Variants in LRBA observed in about 807,000 individuals in gnomAD.
LRBA encodes the protein LPS responsive beige-like anchor protein.
A neutral mutation model predicts 330.0 loss-of-function variants in LRBA; 176 were observed. That is an observed-to-expected ratio of 0.53 (90% confidence interval 0.47 to 0.60). The LOEUF is 0.60. LRBA is among the 20% of genes least tolerant of loss of function. The pLI is 0.00. For missense variants in LRBA, 3,259 were observed against 3,444.8 expected, an observed-to-expected ratio of 0.95 and a Z score of 1.35; for synonymous variants, 1,230 against 1,193.0, an observed-to-expected ratio of 1.03 and a Z score of -0.64.
At chr4:150,762,338 T>C (rs1402059405) in intron 34 of LRBA, among the ~76,000 whole-genome samples, 6 of 151,758 alleles carry the variant, frequency 4.0e-5, no homozygotes, top group Non-Finnish European at 8.9e-5. Flanking sequence ...GCTAAACCAG[T>C]TTTGAGTTAG....
rs377425590 is a variant in LRBA, at chr4:150,560,018, T to C, written c.6330+28030A>G. On this transcript the variant is annotated intron_variant, in intron 40 of 56. Coordinates refer to ENST00000651943, the MANE Select transcript of LRBA (RefSeq NM_001364905.1). Reference sequence around the variant, plus strand: ...TTCGTCCATCGATGAAACTCAAGTATGGATGGCAGGTTAAAGTATTATCTC... The same window carrying C: ...TTCGTCCATCGATGAAACTCAAGTACGGATGGCAGGTTAAAGTATTATCTC... 1.3e-4 allele frequency among the ~76,000 whole-genome samples: 18 copies of C among 136,606 alleles called. No individual in the cohort carries two copies. In the East Asian group the frequency reaches 1.8e-3, roughly 14 times the overall value. The allele number at this position is 136,606 out of a possible 152,430, so 89.6% of individuals were successfully genotyped here.
intron 37 of LRBA, among the ~76,000 whole-genome samples, chr4:150,664,812 C>T (rs1376139952): frequency 6.6e-6 from 1 of 152,232 alleles, no homozygotes; most frequent in East Asian, 1.9e-4. Flanking sequence ...TAGATTACAA[C>T]CTTAAGAAGC....
At chr4:150,977,818 T>C (rs936793326) in intron 2 of LRBA, among the ~76,000 whole-genome samples, 2 of 152,176 alleles carry the variant, frequency 1.3e-5, no homozygotes, top group African/African-American at 2.4e-5. Context: ...CCTCTACCTA[T>C]GTAAACAGGA....
chr4:150,809,332 T>C (rs1188815040), intron 31 of LRBA, among the ~76,000 whole-genome samples: 1 of 152,158 alleles, frequency 6.6e-6, no homozygotes, highest in Non-Finnish European at 1.5e-5. Context: ...CTAAATACTA[T>C]ACTCCACTAA....
At chr4:150,531,447 T>C (rs534065191) in intron 40 of LRBA, among the ~76,000 whole-genome samples, 2 of 152,316 alleles carry the variant, frequency 1.3e-5, no homozygotes, top group Admixed American at 6.5e-5. Context: ...ATCTCTTTTA[T>C]TGAAGAGACA....
intron 48 of LRBA, among the ~76,000 whole-genome samples, chr4:150,341,844 C>T (rs985393234): frequency 1.3e-5 from 2 of 151,608 alleles, no homozygotes; most frequent in Non-Finnish European, 2.9e-5. Context: ...AGATAGCTTT[C>T]AACCTTTGTA....
At chr4:150,838,768 C>T (rs1486337571) in intron 28 of LRBA, among the ~76,000 whole-genome samples, 1 of 152,100 alleles carries the variant, frequency 6.6e-6, no homozygotes, top group Non-Finnish European at 1.5e-5. Flanking sequence ...GAAGTCTGAC[C>T]ATCTGAAGCT....
chr4:150,658,996 G>C (rs1222125808), intron 37 of LRBA, among the ~76,000 whole-genome samples: 1 of 102,114 alleles, frequency 9.8e-6, no homozygotes, highest in Non-Finnish European at 2.2e-5. Context: ...CGGGATTGCA[G>C]ACGGAGTCTC....
intron 34 of LRBA, among the ~76,000 whole-genome samples, chr4:150,784,621 A>T (rs1348508054): frequency 6.6e-6 from 1 of 152,204 alleles, no homozygotes; most frequent in Admixed American, 6.5e-5. Flanking sequence ...CAGCCTCTAC[A>T]TATACCTGAC....
intron 9 of LRBA, 130 bp downstream of exon 9, chr4:150,914,065 G>T: frequency 1.6e-6 from 1 of 639,226 alleles, no homozygotes; most frequent in South Asian, 3.1e-5. Flanking sequence ...TCACCCTGCT[G>T]TGGTATCAAA....
chr4:150,294,815 G>A (rs985596622), intron 53 of LRBA, among the ~76,000 whole-genome samples: 3 of 152,130 alleles, frequency 2.0e-5, no homozygotes, highest in Admixed American at 1.3e-4. Context: ...ATCTGGGCGC[G>A]CTGGCGCCCA....
At position 150,965,683 on chromosome 4, in the gene LRBA, G is replaced by A. The variant is rs559686158; in HGVS notation, c.217-36618C>T. Among the ~76,000 whole-genome samples the A allele has an allele frequency of 2.6e-5, 4 of 151,590 alleles. No homozygotes were observed. The South Asian group carries it at 8.4e-4, about 32-fold the overall frequency. ...GCCTCCTAAGTAGCTGGGACTATAG[G>A]CACATACGACCATGCCCGGCTAATT... On this transcript the variant is annotated intron_variant, in intron 2 of 56. Transcript: ENST00000651943.
chr4:150,494,999 C>CA lies in LRBA; in HGVS notation c.6331-3965dup, dbSNP rs1011632988. Among the ~76,000 whole-genome samples, 332 of 124,372 alleles carry CA rather than the reference C, an allele frequency of 2.7e-3. 2 individuals are homozygous for CA. Among genetic ancestry groups the CA allele is most frequent in the Middle Eastern group, 8.6e-3 (2 of 232 alleles). The allele number at this position is 124,372 out of a possible 152,430, so 81.6% of individuals were successfully genotyped here. ...TGGGTGACACAGCGAGACTCTGTCTCAAAAAAAAAAAAAGGAAATGAGGTA... is the reference window on the plus strand; with the variant it reads ...TGGGTGACACAGCGAGACTCTGTCTCAAAAAAAAAAAAAAGGAAATGAGGTA... On this transcript the variant is annotated intron_variant, in intron 40 of 56. Coordinates refer to ENST00000651943, the MANE Select transcript of LRBA (RefSeq NM_001364905.1).
intron 37 of LRBA, among the ~76,000 whole-genome samples, chr4:150,666,712 C>G (rs1781593547): frequency 6.6e-6 from 1 of 151,990 alleles, no homozygotes; most frequent in Non-Finnish European, 1.5e-5. Flanking sequence ...GCCCTGCAAC[C>G]AATTCTCTGT....
intron 2 of LRBA, among the ~76,000 whole-genome samples, chr4:150,974,397 G>C (rs1739920733): frequency 6.6e-6 from 1 of 152,166 alleles, no homozygotes; most frequent in Non-Finnish European, 1.5e-5. Context: ...GTGAGAATCA[G>C]AACACCATCA....
At chr4:150,484,907 T>C (rs1484799878) in intron 42 of LRBA, among the ~76,000 whole-genome samples, 2 of 151,932 alleles carry the variant, frequency 1.3e-5, no homozygotes, top group African/African-American at 4.8e-5. Context: ...TTGGCCCATG[T>C]TTTATGTAGA....
chr4:150,755,355 C>A (rs543929191), intron 35 of LRBA, among the ~76,000 whole-genome samples: 1 of 152,154 alleles, frequency 6.6e-6, no homozygotes, highest in African/African-American at 2.4e-5. Context: ...AAGCAACGTG[C>A]CCAACAGTAT....
At chr4:150,839,955 T>C (rs895751018) in intron 28 of LRBA, among the ~76,000 whole-genome samples, 2 of 152,184 alleles carry the variant, frequency 1.3e-5, no homozygotes, top group Non-Finnish European at 2.9e-5. Context: ...ATCAATTTCT[T>C]AGCTAGCTCT....
At chr4:150,423,260 T>C in intron 46 of LRBA, 1 of 1,007,436 alleles carries the variant, frequency 9.9e-7, no homozygotes, top group South Asian at 1.4e-5. Flanking sequence ...CGCAGCCGCC[T>C]CCCAGCATCT....
Sources: allele counts gnomAD v4.1 joint callset (sites outside exome capture counted in the v4.1 genomes callset), GRCh38; gene constraint gnomAD v4.1.1; transcripts MANE v1.5; gene names NCBI Gene and HGNC (gene_info 2026-07-23, HGNC 2026-07-21).